The following STK32B variants were observed in gnomAD, a reference collection of about 807,000 sequenced individuals.
The protein encoded by STK32B is serine/threonine-protein kinase 32B.
Under a neutral mutation model 52.6 loss-of-function variants are expected in STK32B, and 43 were observed. The observed-to-expected ratio is 0.82, with a 90% CI of 0.64 to 1.05. The LOEUF (loss-of-function observed/expected upper bound fraction) is 1.05. Among genes scored for constraint, STK32B ranks in the 50% least tolerant of loss-of-function variants. The pLI is 0.00. For missense variants in STK32B, 621 were observed against 534.6 expected, an observed-to-expected ratio of 1.16 and a Z score of -1.59; for synonymous variants, 238 against 204.3, an observed-to-expected ratio of 1.17 and a Z score of -1.41.
intron 4 of STK32B, among the ~76,000 whole-genome samples, chr4:5,337,350 G>T (rs1431755968): frequency 6.6e-6 from 1 of 151,964 alleles, no homozygotes; most frequent in Non-Finnish European, 1.5e-5. Context: ...ATGTGTGAGG[G>T]TATACATTTT....
At chr4:5,343,383 C>G (rs1733229050) in intron 4 of STK32B, among the ~76,000 whole-genome samples, 3 of 152,110 alleles carry the variant, frequency 2.0e-5, no homozygotes, top group African/African-American at 7.2e-5. Flanking sequence ...CAAGTCTTTG[C>G]TATTGTGAAT....
chr4:5,256,765 G>T (rs1284202521), intron 3 of STK32B, among the ~76,000 whole-genome samples: 1 of 152,160 alleles, frequency 6.6e-6, no homozygotes, highest in African/African-American at 2.4e-5. Flanking sequence ...GGCACAAGAT[G>T]GACTAGGCTT....
At chr4:5,261,795 A>G (rs749830294) in intron 3 of STK32B, among the ~76,000 whole-genome samples, 8 of 152,316 alleles carry the variant, frequency 5.3e-5, no homozygotes, top group Non-Finnish European at 1.0e-4. Context: ...TACTATTGCC[A>G]ACATTATCTT....
intron 1 of STK32B, among the ~76,000 whole-genome samples, chr4:5,102,873 C>A (rs1713892200): frequency 1.0e-5 from 1 of 95,940 alleles, no homozygotes; most frequent in Admixed American, 1.0e-4. Context: ...CTCCCTCCCT[C>A]CCTCCCTTCT....
intron 3 of STK32B, among the ~76,000 whole-genome samples, chr4:5,321,965 A>T (rs1479104728): frequency 7.4e-6 from 1 of 135,132 alleles, no homozygotes; most frequent in East Asian, 2.5e-4. Context: ...GAGAGCCATC[A>T]TGTTTGAGTG....
intron 9 of STK32B, among the ~76,000 whole-genome samples, chr4:5,466,288 G>C (rs145961884): frequency 3.6e-4 from 55 of 152,344 alleles, no homozygotes; most frequent in African/African-American, 1.2e-3. Context: ...AGGGCAGGAA[G>C]TTGGGCAGAT....
intron 5 of STK32B, among the ~76,000 whole-genome samples, chr4:5,403,849 C>T (rs1185380514): frequency 1.3e-5 from 2 of 151,992 alleles, no homozygotes; most frequent in Non-Finnish European, 2.9e-5. Flanking sequence ...GGAGAGGAAG[C>T]CACTCATACA....
intron 1 of STK32B, among the ~76,000 whole-genome samples, chr4:5,091,260 A>G (rs1373442768): frequency 6.6e-6 from 1 of 152,144 alleles, no homozygotes; most frequent in Non-Finnish European, 1.5e-5. Flanking sequence ...ATTTTTATGC[A>G]TCGAAGGACA....
intron 3 of STK32B, among the ~76,000 whole-genome samples, chr4:5,245,828 A>T (rs887444719): frequency 2.6e-5 from 4 of 152,098 alleles, no homozygotes; most frequent in Non-Finnish European, 5.9e-5. Flanking sequence ...TCCTTCACTT[A>T]TGAAGGTTAG....
At chr4:5,391,715 C>G (rs182447648) in intron 4 of STK32B, among the ~76,000 whole-genome samples, 1 of 152,318 alleles carries the variant, frequency 6.6e-6, no homozygotes, top group African/African-American at 2.4e-5. Context: ...GCCATTGGAT[C>G]AGTGCTTTCT....
At chr4:5,303,583 G>C (rs1356852513) in intron 3 of STK32B, among the ~76,000 whole-genome samples, 1 of 152,038 alleles carries the variant, frequency 6.6e-6, no homozygotes, top group African/African-American at 2.4e-5. Flanking sequence ...CTGGATATTA[G>C]TCCTTTCTCA....
At chr4:5,265,970 A>T (rs1037799403) in intron 3 of STK32B, among the ~76,000 whole-genome samples, 5 of 152,298 alleles carry the variant, frequency 3.3e-5, no homozygotes, top group Non-Finnish European at 5.9e-5. Flanking sequence ...TTAAATTATG[A>T]GCATCTTTGT....
intron 1 of STK32B, among the ~76,000 whole-genome samples, chr4:5,071,632 A>G (rs895418458): frequency 1.3e-5 from 2 of 152,178 alleles, no homozygotes; most frequent in Non-Finnish European, 2.9e-5. Flanking sequence ...TCCAGAGTAT[A>G]ATTATGCCAT....
intron 4 of STK32B, among the ~76,000 whole-genome samples, chr4:5,358,614 T>C (rs543177125): frequency 2.0e-3 from 307 of 152,152 alleles, no homozygotes; most frequent in African/African-American, 7.2e-3. Context: ...TCAATCCTTG[T>C]GGAAGGAGAT....
intron 4 of STK32B, among the ~76,000 whole-genome samples, chr4:5,381,001 C>T (rs556768544): frequency 1.6e-4 from 24 of 152,274 alleles, no homozygotes; most frequent in African/African-American, 5.8e-4. Context: ...AGCAGTTACA[C>T]AGTGTAAATG....
intron 3 of STK32B, among the ~76,000 whole-genome samples, chr4:5,182,432 C>T (rs1720432246): frequency 6.6e-6 from 1 of 152,028 alleles, no homozygotes; most frequent in Non-Finnish European, 1.5e-5. Context: ...TCACTGGCAG[C>T]TGTAGCCTTA....
intron 4 of STK32B, among the ~76,000 whole-genome samples, chr4:5,354,147 G>A (rs1444511720): frequency 6.6e-6 from 1 of 152,234 alleles, no homozygotes; most frequent in Non-Finnish European, 1.5e-5. Flanking sequence ...AGGACAAATT[G>A]TGAGTGTTCT....
At chr4:5,031,808 C>T in the STK32B span, among the ~76,000 whole-genome samples, 1 of 152,112 alleles carries the variant, frequency 6.6e-6, no homozygotes, top group Non-Finnish European at 1.5e-5. Flanking sequence ...CGGCCTCAGT[C>T]CCCTCCTCAG....
intron 4 of STK32B, among the ~76,000 whole-genome samples, chr4:5,367,130 C>G (rs1339353943): frequency 6.6e-6 from 1 of 152,092 alleles, no homozygotes; most frequent in Non-Finnish European, 1.5e-5. Flanking sequence ...GGAAAGAATT[C>G]ACATTTCCCC....
Sources: gnomAD v4.1 joint callset for allele counts (sites outside exome capture counted in the v4.1 genomes callset) on GRCh38, gnomAD v4.1.1 for gene constraint, MANE v1.5 for transcripts, NCBI Gene and HGNC (gene_info 2026-07-23, HGNC 2026-07-21) for gene names.